PTP4A1: variants seen among roughly 807,000 people sequenced by gnomAD.
PTP4A1 encodes the protein protein tyrosine phosphatase 4A1.
In PTP4A1, 9 loss-of-function variants were observed where a neutral mutation model predicts 20.5. The ratio of observed to expected loss-of-function variants is 0.44; its 90% CI spans 0.26 to 0.77. The LOEUF is 0.77. Among genes scored for constraint, PTP4A1 ranks in the 30% least tolerant of loss-of-function variants. The pLI, the probability that PTP4A1 is intolerant of heterozygous loss-of-function variation, is 0.19. For synonymous variants in PTP4A1, 78 were observed against 67.4 expected (o/e 1.16, Z -0.77); for missense variants, 137 against 218.8 (o/e 0.63, Z 2.36).
At chr6:63,539,054 G>A (rs889035406) in intron 2 of PTP4A1, among the ~76,000 whole-genome samples, 43 of 151,914 alleles carry the variant, frequency 2.8e-4, no homozygotes, top group Admixed American at 1.4e-3. Flanking sequence ...CACCATACCC[G>A]GCTAATTTGT....
intron 3 of PTP4A1, among the ~76,000 whole-genome samples, chr6:63,558,408 T>C (rs1420993786): frequency 6.6e-6 from 1 of 152,036 alleles, no homozygotes; most frequent in African/African-American, 2.4e-5. Context: ...CCAGACTCAA[T>C]AGAATGTGGT....
At chr6:63,519,173 G>A (rs886620839), upstream of PTP4A1, among the ~76,000 whole-genome samples, 1 of 152,124 alleles carries the variant, frequency 6.6e-6, no homozygotes, top group African/African-American at 2.4e-5. Flanking sequence ...TGGGCATGAT[G>A]GTGGGTGCCT....
At chr6:63,571,340 A>G (rs1777417794), upstream of PTP4A1, 1 of 152,240 alleles carries the variant, frequency 6.6e-6, no homozygotes, top group South Asian at 2.1e-4. Context: ...AATAACAAAC[A>G]AAAGGCTTCA....
intron 2 of PTP4A1, 75 bp downstream of exon 2, chr6:63,577,060 A>T: frequency 8.4e-7 from 1 of 1,189,694 alleles, no homozygotes; most frequent in South Asian, 1.4e-5. Context: ...CAAAATAAAA[A>T]CTACTTTGGA....
chr6:63,560,240 A>T, intron 3 of PTP4A1, among the ~76,000 whole-genome samples: 1 of 149,336 alleles, frequency 6.7e-6, no homozygotes. Context: ...TGGGAGGCTG[A>T]GGCAGGAGAA....
At chr6:63,532,712 T>A (rs899880689) in intron 2 of PTP4A1, among the ~76,000 whole-genome samples, 1 of 152,130 alleles carries the variant, frequency 6.6e-6, no homozygotes, top group Non-Finnish European at 1.5e-5. Flanking sequence ...ATTATAACTA[T>A]GAGAGTTAAA....
At chr6:63,554,171 C>T (rs1364310205) in intron 3 of PTP4A1, among the ~76,000 whole-genome samples, 1 of 152,186 alleles carries the variant, frequency 6.6e-6, no homozygotes, top group Non-Finnish European at 1.5e-5. Context: ...ACAATCCTCA[C>T]CAGAAGTGTA....
Position 63,554,351 on chromosome 6 carries a change from C to A in PTP4A1, c.-446+3858C>A, listed in dbSNP as rs540870387. ...TGGGAGTATCTTGTCCAGAACTTGA[C>A]CAGAAATTCTTATACACTTTCTTCT... On this transcript the variant is annotated intron_variant, in intron 3 of 3. Coordinates refer to the PTP4A1 transcript ENST00000639568. 8.7e-4 allele frequency among the ~76,000 whole-genome samples: 132 copies of A among 152,208 alleles called. 1 individual carries two copies. Among genetic ancestry groups the A allele is most frequent in the Non-Finnish European group, 1.4e-3 (92 of 68,014 alleles).
intron 2 of PTP4A1, among the ~76,000 whole-genome samples, chr6:63,578,140 TGAC>T: frequency 6.6e-6 from 1 of 152,170 alleles, no homozygotes; most frequent in South Asian, 2.1e-4. Context: ...GGTATTACCA[TGAC>T]TGTAAACAAC....
chr6:63,575,851 T>C (rs1411511000), intron 1 of PTP4A1, among the ~76,000 whole-genome samples: 1 of 152,110 alleles, frequency 6.6e-6, no homozygotes, highest in Non-Finnish European at 1.5e-5. Context: ...ATTCTAAATA[T>C]AGGACTTAAA....
chr6:63,526,803 G>GTATATA (rs376671990), intron 1 of PTP4A1, among the ~76,000 whole-genome samples: 2,739 of 101,248 alleles, frequency 0.027, 79 homozygotes, highest in South Asian at 0.04. Flanking sequence ...TCTCAAAAAT[G>GTATATA]TATATATATA....
intron 2 of PTP4A1, among the ~76,000 whole-genome samples, chr6:63,539,784 G>A (rs1295524636): frequency 4.6e-5 from 7 of 151,152 alleles, no homozygotes; most frequent in Non-Finnish European, 7.4e-5. Context: ...AAAAAAATTG[G>A]CAAAGGATAT....
intron 1 of PTP4A1, among the ~76,000 whole-genome samples, chr6:63,527,093 T>C (rs141282672): frequency 9.7e-4 from 147 of 152,212 alleles, no homozygotes; most frequent in African/African-American, 3.2e-3. Context: ...AGAGTCCTTA[T>C]TGAATATACA....
rs1019457111 is a variant in PTP4A1 at position 63,582,297 on chromosome 6, G to A, written c.*2123G>A. On this transcript the variant is annotated 3_prime_UTR_variant, in exon 6 of 6. Transcript: ENST00000626021. Reference sequence around the variant, plus strand: ...ACACAGCCCATAAAACAGCATTTGCGTTTATTGAGAGAGAGGATGTGCCAT... The same window carrying A: ...ACACAGCCCATAAAACAGCATTTGCATTTATTGAGAGAGAGGATGTGCCAT... 3 of 152,420 alleles carry A rather than the reference G, an allele frequency of 2.0e-5. No homozygotes were observed. Among genetic ancestry groups the A allele is most frequent in the African/African-American group, 4.8e-5 (2 of 41,356 alleles). 9.4% of individuals were successfully genotyped at this position (152,420 alleles called of 1,614,324 possible). A position where few individuals can be genotyped will look rare whatever the true frequency, so the allele number is the denominator to read the frequency against.
chr6:63,532,554 A>G (rs1775517109), intron 2 of PTP4A1, among the ~76,000 whole-genome samples: 1 of 152,132 alleles, frequency 6.6e-6, no homozygotes, highest in Non-Finnish European at 1.5e-5. Flanking sequence ...AGGTAAATAA[A>G]TGCCATTAAA....
At chr6:63,579,166 TA>T in intron 4 of PTP4A1, 90 bp from the exon 5 acceptor site, 1 of 1,415,686 alleles carries the variant, frequency 7.1e-7, no homozygotes. Flanking sequence ...GGGTGGTAGA[TA>T]ATACTTCTGA....
chr6:63,533,950 T>A lies in PTP4A1; in HGVS notation c.-640+5866T>A, dbSNP rs140401404. 8.7e-3 allele frequency among the ~76,000 whole-genome samples: 1,323 copies of A among 152,056 alleles called. 22 individuals carry two copies. The highest frequency in any genetic ancestry group is 0.03 in the African/African-American group (1,251 of 41,450). ...CCTCTGCCTCCTGGGTTCAAGTGAT[T>A]CTCGTGCCTCAGCCTCCCGAGTAGC... On this transcript the variant is annotated intron_variant, in intron 2 of 3. Coordinates refer to the PTP4A1 transcript ENST00000639568.
rs541566004 is a variant in PTP4A1, at chr6:63,579,420, C to G, written c.404+89C>G. The G allele has an allele frequency of 5.5e-5, 50 of 901,796 alleles. No individual in the cohort carries two copies. In the East Asian group the frequency reaches 1.4e-3, roughly 25 times the overall value. 55.9% of individuals were successfully genotyped at this position (901,796 alleles called of 1,614,324 possible). The stretch of plus-strand genomic sequence containing the variant: ...TTAATAGTCTAATAGCCCATTTAAT[C>G]ATTATGATTATTTTTTGAGATAGTA... On this transcript the variant is annotated intron_variant, in intron 5 of 5. Coordinates refer to ENST00000626021, the MANE Select transcript of PTP4A1 (RefSeq NM_003463.5).
upstream of PTP4A1, chr6:63,572,440 T>C (rs981573213): frequency 1.9e-5 from 7 of 372,452 alleles, no homozygotes; most frequent in African/African-American, 1.5e-4. Flanking sequence ...GGGTTGCACG[T>C]CGCGCCGGCT....
Sources: allele counts gnomAD v4.1 joint callset (sites outside exome capture counted in the v4.1 genomes callset), GRCh38; gene constraint gnomAD v4.1.1; transcripts MANE v1.5; gene names NCBI Gene and HGNC (gene_info 2026-07-23, HGNC 2026-07-21).